PPP2R2C: variants seen among roughly 807,000 people sequenced by gnomAD.
PPP2R2C encodes protein phosphatase 2 regulatory subunit Bgamma.
In PPP2R2C, 10 loss-of-function variants were observed where a neutral mutation model predicts 45.3. That is an observed-to-expected ratio of 0.22 (90% CI 0.14 to 0.37). The LOEUF (loss-of-function observed/expected upper bound fraction) is 0.37, where lower values mean the gene tolerates loss of function less well. PPP2R2C is among the 10% of genes least tolerant of loss of function. PPP2R2C has a pLI of 1.00. For missense variants in PPP2R2C, 308 were observed against 619.7 expected, an observed-to-expected ratio of 0.50 and a Z score of 5.34; for synonymous variants, 257 against 245.4, an observed-to-expected ratio of 1.05 and a Z score of -0.44.
chr4:6,518,686 G>A (rs532471295), intron 2 of PPP2R2C, among the ~76,000 whole-genome samples: 9 of 152,068 alleles, frequency 5.9e-5, no homozygotes, highest in Non-Finnish European at 1.2e-4. Context: ...ACTTTGGGAG[G>A]CCAAGGCAAG....
chr4:6,355,551 CAAAAA>C (rs566926127), intron 5 of PPP2R2C, among the ~76,000 whole-genome samples: 1 of 78,968 alleles, frequency 1.3e-5, no homozygotes, highest in Non-Finnish European at 2.9e-5. Flanking sequence ...ACAGAAAGCA[CAAAAA>C]AAAAAAAAAA....
intron 1 of PPP2R2C, chr4:6,413,904 C>G: frequency 1.3e-6 from 2 of 1,536,092 alleles, no homozygotes; most frequent in Non-Finnish European, 1.7e-6. Flanking sequence ...CCTGCTCACC[C>G]GTGTCTCTCT....
At chr4:6,473,594 G>A (rs1214006318), upstream of PPP2R2C, among the ~76,000 whole-genome samples, 2 of 152,228 alleles carry the variant, frequency 1.3e-5, no homozygotes, top group Non-Finnish European at 1.5e-5. Context: ...GGTGACCAGA[G>A]CTGCAGGGGC....
chr4:6,351,471 A>T, intron 5 of PPP2R2C: 7 of 560,012 alleles, frequency 1.2e-5, no homozygotes, highest in Non-Finnish European at 1.6e-5. Context: ...CTGGGGACAC[A>T]GAGTCCCCAA....
intron 5 of PPP2R2C, chr4:6,350,356 G>A (rs1712426959): frequency 2.0e-6 from 2 of 985,442 alleles, no homozygotes; most frequent in East Asian, 1.1e-4. Context: ...GAGAAAAAGT[G>A]CGGCCACTGA....
At position 6,562,235 on chromosome 4, in the gene PPP2R2C, C is replaced by T. The variant is rs572958230; in HGVS notation, c.-59+1325G>A. On this transcript the variant is annotated intron_variant, in intron 1 of 9. Transcript: ENST00000506140. Reference sequence around the variant, plus strand: ...GGCACTGACAGCTGACAGAGGAGCTCACCTGTGGGCAACGGGCCCCACTCC... The same window carrying T: ...GGCACTGACAGCTGACAGAGGAGCTTACCTGTGGGCAACGGGCCCCACTCC... Among the ~76,000 whole-genome samples, 40 of 152,268 alleles carry T rather than the reference C, an allele frequency of 2.6e-4. 1 individual carries two copies. In the East Asian group the frequency reaches 6.0e-3, roughly 23 times the overall value.
At chr4:6,529,676 G>A (rs1482260057) in intron 2 of PPP2R2C, among the ~76,000 whole-genome samples, 8 of 152,224 alleles carry the variant, frequency 5.3e-5, no homozygotes, top group South Asian at 2.1e-4. Context: ...GAAAATTGGC[G>A]AGGCTGAGAG....
chr4:6,395,589 C>G (rs950950959), intron 1 of PPP2R2C, among the ~76,000 whole-genome samples: 1 of 152,158 alleles, frequency 6.6e-6, no homozygotes, highest in African/African-American at 2.4e-5. Context: ...GAGGCGGGAC[C>G]CCCCACAGCG....
chr4:6,366,514 C>A (rs943489062), intron 5 of PPP2R2C, among the ~76,000 whole-genome samples: 3 of 152,230 alleles, frequency 2.0e-5, no homozygotes, highest in Admixed American at 6.5e-5. Flanking sequence ...AATCTCAGGG[C>A]TTCCACCATA....
At chr4:6,371,906 G>C (rs1463589781) in intron 5 of PPP2R2C, among the ~76,000 whole-genome samples, 2 of 152,194 alleles carry the variant, frequency 1.3e-5, no homozygotes, top group African/African-American at 4.8e-5. Context: ...CCCCCCGGCA[G>C]GCCAAGCCTC....
chr4:6,348,044 A>G lies in PPP2R2C; in HGVS notation c.626-34T>C, dbSNP rs902650161. On this transcript the variant is annotated intron_variant, in intron 5 of 8. Coordinates refer to ENST00000382599, the MANE Select transcript of PPP2R2C (RefSeq NM_020416.4). ...AGTGCGGTCAAGGAAGGGGCAGTGAAGGGCGCCCTCAATGCTCCGCCTTCC... is the reference window on the plus strand; with the variant it reads ...AGTGCGGTCAAGGAAGGGGCAGTGAGGGGCGCCCTCAATGCTCCGCCTTCC... 4 of 1,604,858 alleles carry G rather than the reference A, an allele frequency of 2.5e-6. No homozygotes were observed. In the African/African-American group the frequency reaches 5.3e-5, roughly 21 times the overall value.
chr4:6,500,397 C>T (rs1276056508), intron 2 of PPP2R2C, among the ~76,000 whole-genome samples: 2 of 152,216 alleles, frequency 1.3e-5, no homozygotes, highest in African/African-American at 2.4e-5. Context: ...ATCTGCCTGC[C>T]TTGGCCTCCT....
intron 1 of PPP2R2C, among the ~76,000 whole-genome samples, chr4:6,435,685 G>C (rs1048031274): frequency 5.9e-5 from 9 of 152,214 alleles, no homozygotes; most frequent in African/African-American, 1.9e-4. Context: ...AAACAGGCTT[G>C]TGAGTGAGAG....
chr4:6,435,923 C>T (rs750626290), intron 1 of PPP2R2C, among the ~76,000 whole-genome samples: 21 of 152,230 alleles, frequency 1.4e-4, no homozygotes, highest in Non-Finnish European at 2.4e-4. Flanking sequence ...TGTGTCCCCC[C>T]GAAATTCATA....
At chr4:6,553,170 C>T (rs1021386485) in intron 1 of PPP2R2C, among the ~76,000 whole-genome samples, 2 of 152,128 alleles carry the variant, frequency 1.3e-5, no homozygotes, top group African/African-American at 2.4e-5. Flanking sequence ...AGAGCACAGC[C>T]GACCCTAGGA....
chr4:6,453,013 A>C lies in PPP2R2C; in HGVS notation c.70+19147T>G, dbSNP rs538534680. Among the ~76,000 whole-genome samples the C allele has an allele frequency of 5.3e-4, 81 of 152,360 alleles. 1 individual carries two copies. Among genetic ancestry groups the C allele is most frequent in the South Asian group, 5.2e-3 (25 of 4,830 alleles). ...GCGAGGCTGATCAGGATAGAGCAGA[A>C]CATCTTTCCCTGGGATGCTGAGAGC... On this transcript the variant is annotated intron_variant, in intron 1 of 8. Transcript: ENST00000382599.
chr4:6,476,785 A>G (rs567596182), upstream of PPP2R2C, among the ~76,000 whole-genome samples: 3 of 152,138 alleles, frequency 2.0e-5, no homozygotes, highest in East Asian at 1.9e-4. Flanking sequence ...TTTTTCTGAG[A>G]AGCACTCATG....
chr4:6,366,279 C>A (rs79489753), intron 5 of PPP2R2C, among the ~76,000 whole-genome samples: 12,895 of 152,280 alleles, frequency 0.085, 619 homozygotes, highest in East Asian at 0.17. Flanking sequence ...TGGGTCTCAG[C>A]CCAGGCCCGC....
chr4:6,461,429 A>C (rs1721315298), intron 1 of PPP2R2C, among the ~76,000 whole-genome samples: 1 of 152,158 alleles, frequency 6.6e-6, no homozygotes, highest in African/African-American at 2.4e-5. Context: ...AGCCCCTTGC[A>C]TTAGGTGGGG....
Sources: allele counts gnomAD v4.1 joint callset (sites outside exome capture counted in the v4.1 genomes callset), GRCh38; gene constraint gnomAD v4.1.1; transcripts MANE v1.5; gene names NCBI Gene and HGNC (gene_info 2026-07-23, HGNC 2026-07-21).